NCAM2: variants seen among roughly 807,000 people sequenced by gnomAD.
The protein encoded by NCAM2 is N-CAM-2.
Under a neutral mutation model 98.1 loss-of-function variants are expected in NCAM2, and 30 were observed. The observed-to-expected ratio is 0.31, with a 90% CI of 0.23 to 0.41. The LOEUF (loss-of-function observed/expected upper bound fraction) is 0.41, where lower values mean the gene tolerates loss of function less well. Among genes scored for constraint, NCAM2 ranks in the 10% least tolerant of loss-of-function variants. NCAM2 has a pLI of 1.00. For synonymous variants in NCAM2, 368 were observed against 342.4 expected (o/e 1.07, Z -0.83); for missense variants, 867 against 1,005.8 (o/e 0.86, Z 1.87).
chr21:21,246,369 T>G (rs2147263819), intron 1 of NCAM2, among the ~76,000 whole-genome samples: 1 of 152,300 alleles, frequency 6.6e-6, no homozygotes, highest in South Asian at 2.1e-4. Context: ...TAGGTGATTA[T>G]TTTTGGGGTA....
intron 1 of NCAM2, among the ~76,000 whole-genome samples, chr21:21,137,975 C>T (rs761044608): frequency 2.6e-5 from 4 of 151,928 alleles, no homozygotes; most frequent in East Asian, 3.9e-4. Flanking sequence ...ACCTTTGTAA[C>T]GGTGTTTCAT....
intron 10 of NCAM2, among the ~76,000 whole-genome samples, chr21:21,414,473 G>GTTTT (rs35280147): frequency 1.6e-3 from 224 of 137,426 alleles, no homozygotes; most frequent in Middle Eastern, 0.011. Flanking sequence ...TTTGTTGTGT[G>GTTTT]TTTTTTTTTT....
intron 1 of NCAM2, among the ~76,000 whole-genome samples, chr21:21,130,646 T>A (rs1556308): frequency 0.97 from 147,539 of 152,224 alleles, 71,646 homozygotes; most frequent in East Asian, 1. Flanking sequence ...TTAAAACATC[T>A]TTGCCAAATG....
chr21:21,521,795 A>T (rs1208170321), intron 16 of NCAM2, among the ~76,000 whole-genome samples: 1 of 152,068 alleles, frequency 6.6e-6, no homozygotes, highest in East Asian at 1.9e-4. Flanking sequence ...ATACAGTTAT[A>T]ATATGTGCAT....
intron 14 of NCAM2, among the ~76,000 whole-genome samples, chr21:21,472,037 C>T (rs564517914): frequency 6.6e-6 from 1 of 152,118 alleles, no homozygotes; most frequent in East Asian, 1.9e-4. Context: ...GTTATTTTTA[C>T]ATCTACTTTG....
At chr21:21,479,734 A>G (rs80026670) in intron 15 of NCAM2, among the ~76,000 whole-genome samples, 1 of 150,958 alleles carries the variant, frequency 6.6e-6, no homozygotes, top group African/African-American at 2.4e-5. Context: ...CTCTCTCTAT[A>G]TATATATATT....
chr21:21,505,470 T>C (rs914330625), intron 15 of NCAM2, among the ~76,000 whole-genome samples: 2 of 152,062 alleles, frequency 1.3e-5, no homozygotes, highest in Non-Finnish European at 2.9e-5. Flanking sequence ...ATGTTTTACA[T>C]ATATAATTTT....
chr21:21,002,946 T>G (rs908358035), intron 1 of NCAM2, among the ~76,000 whole-genome samples: 5 of 152,144 alleles, frequency 3.3e-5, no homozygotes, highest in African/African-American at 1.2e-4. Context: ...TGAGAACACT[T>G]TAAGATGCAA....
At chr21:21,269,054 G>C (rs924226671) in intron 1 of NCAM2, among the ~76,000 whole-genome samples, 1 of 152,036 alleles carries the variant, frequency 6.6e-6, no homozygotes, top group Non-Finnish European at 1.5e-5. Context: ...TACTTGCATT[G>C]AAAAAACTTA....
chr21:21,071,080 A>G (rs927148232), intron 1 of NCAM2, among the ~76,000 whole-genome samples: 2 of 152,194 alleles, frequency 1.3e-5, no homozygotes, highest in Admixed American at 6.5e-5. Context: ...TTACAAACAC[A>G]TAATCAAAGC....
intron 9 of NCAM2, among the ~76,000 whole-genome samples, chr21:21,397,618 G>T (rs1020887700): frequency 6.6e-6 from 1 of 152,236 alleles, no homozygotes; most frequent in African/African-American, 2.4e-5. Context: ...ATGGGAGCAG[G>T]CACTTCCCAG....
rs184500404 is a variant in NCAM2 at position 21,360,546 on chromosome 21, T to G, written c.1045-13317T>G. Among the ~76,000 whole-genome samples, 1,276 of 152,154 alleles carry G rather than the reference T, an allele frequency of 8.4e-3. 7 individuals carry two copies. The highest frequency in any genetic ancestry group is 0.014 in the Non-Finnish European group (950 of 67,890). ...TCATACTCTTTCAAATAAGTACGAA[T>G]AGTAAAATTCTAGTATGCATAAATC... is the stretch of plus-strand genomic sequence containing the variant. On this transcript the variant is annotated intron_variant, in intron 8 of 17. Coordinates refer to ENST00000400546, the MANE Select transcript of NCAM2 (RefSeq NM_004540.5).
chr21:21,048,946 G>T (rs1301065105), intron 1 of NCAM2, among the ~76,000 whole-genome samples: 1 of 150,228 alleles, frequency 6.7e-6, no homozygotes, highest in East Asian at 1.9e-4. Flanking sequence ...TAATCACAAA[G>T]AACCAAAAAA....
At chr21:21,082,292 A>AT (rs1016443732) in intron 1 of NCAM2, among the ~76,000 whole-genome samples, 1 of 150,898 alleles carries the variant, frequency 6.6e-6, no homozygotes, top group African/African-American at 2.4e-5. Context: ...AAAAAAAAAA[A>AT]AACAAAACAA....
At chr21:21,232,557 T>C (rs1391763917) in intron 1 of NCAM2, among the ~76,000 whole-genome samples, 2 of 151,516 alleles carry the variant, frequency 1.3e-5, no homozygotes, top group Non-Finnish European at 3.0e-5. Flanking sequence ...TAAATAGGAT[T>C]TAGAGTATTT....
At chr21:21,137,517 G>A (rs530667875) in intron 1 of NCAM2, among the ~76,000 whole-genome samples, 64 of 152,096 alleles carry the variant, frequency 4.2e-4, no homozygotes, top group Non-Finnish European at 8.1e-4. Context: ...TGTGGCTCAC[G>A]CCTGTAATCC....
rs2065945310 is a variant in NCAM2 at position 21,088,462 on chromosome 21, A to G, written c.55+89844A>G. On this transcript the variant is annotated intron_variant, in intron 1 of 17. Transcript: ENST00000400546. ...GTTGGGATTCATTACATCTAGTGAG[A>G]ATGAATTAAAAACATGATGCCAATT... Among the ~76,000 whole-genome samples the G allele has an allele frequency of 2.6e-5, 4 of 152,204 alleles. No homozygotes were observed. In the South Asian group the frequency reaches 8.3e-4, roughly 31 times the overall value.
chr21:21,031,235 T>C (rs1280194617), intron 1 of NCAM2, among the ~76,000 whole-genome samples: 3 of 152,198 alleles, frequency 2.0e-5, no homozygotes, highest in Non-Finnish European at 4.4e-5. Context: ...CCATTTTAAA[T>C]TTCAAGTTTG....
intron 8 of NCAM2, among the ~76,000 whole-genome samples, chr21:21,342,033 T>C (rs2075056589): frequency 6.6e-6 from 1 of 152,088 alleles, no homozygotes; most frequent in Admixed American, 6.6e-5. Context: ...CAGATATCTC[T>C]TCACTTCCCA....
Sources: gnomAD v4.1 joint callset for allele counts (sites outside exome capture counted in the v4.1 genomes callset) on GRCh38, gnomAD v4.1.1 for gene constraint, MANE v1.5 for transcripts, NCBI Gene and HGNC (gene_info 2026-07-23, HGNC 2026-07-21) for gene names.